The following ATP8A1 variants were observed in gnomAD, a reference collection of about 807,000 sequenced individuals.
ATP8A1 encodes ATPase phospholipid transporting 8A1.
A neutral mutation model predicts 177.7 loss-of-function variants in ATP8A1; 90 were observed. The observed-to-expected ratio is 0.51, with a 90% CI of 0.43 to 0.60. The LOEUF is 0.60. ATP8A1 is among the 20% of genes least tolerant of loss of function. The probability of loss-of-function intolerance (pLI) is 0.00; values close to 1 mark genes in which losing one functional copy is unlikely to be tolerated. For missense variants in ATP8A1, 1,072 were observed against 1,392.8 expected, an observed-to-expected ratio of 0.77 and a Z score of 3.67; for synonymous variants, 493 against 485.9, an observed-to-expected ratio of 1.01 and a Z score of -0.19.
chr4:42,421,622 TG>T (rs1170726699), intron 35 of ATP8A1, among the ~76,000 whole-genome samples: 1 of 151,990 alleles, frequency 6.6e-6, no homozygotes, highest in Non-Finnish European at 1.5e-5. Flanking sequence ...CACACACTGG[TG>T]TGTGATGTGT....
At chr4:42,640,492 T>C (rs1448797534) in intron 1 of ATP8A1, among the ~76,000 whole-genome samples, 5 of 152,226 alleles carry the variant, frequency 3.3e-5, no homozygotes, top group African/African-American at 1.2e-4. Context: ...TGGTGACTGG[T>C]GGGGATCAGT....
intron 30 of ATP8A1, among the ~76,000 whole-genome samples, chr4:42,448,396 C>CTTTACTTTTTTTTATTTTTTTTTTTT (rs778022629): frequency 2.4e-5 from 2 of 84,130 alleles, no homozygotes; most frequent in Non-Finnish European, 4.6e-5. Context: ...CCTTCTCTTT[C>CTTTACTTTTTTTTATTTTTTTTTTTT]TTTTCTTTTT....
chr4:42,455,627 A>G (rs1718400568), intron 27 of ATP8A1, 28 bp from the exon 28 acceptor site: 1 of 1,600,246 alleles, frequency 6.2e-7, no homozygotes, highest in African/African-American at 1.3e-5. Flanking sequence ...AAACCCCCAA[A>G]TTAGAATACA....
At chr4:42,468,306 T>G (rs947161571) in intron 25 of ATP8A1, among the ~76,000 whole-genome samples, 1 of 152,142 alleles carries the variant, frequency 6.6e-6, no homozygotes, top group Non-Finnish European at 1.5e-5. Flanking sequence ...AATTTGCAAT[T>G]GCAAAAATAT....
chr4:42,460,869 A>T (rs35382680), intron 27 of ATP8A1, among the ~76,000 whole-genome samples: 1 of 152,152 alleles, frequency 6.6e-6, no homozygotes, highest in Non-Finnish European at 1.5e-5. Flanking sequence ...TGATCTGCAG[A>T]GCTCCAACAG....
At chr4:42,519,122 C>T (rs959533173) in intron 22 of ATP8A1, among the ~76,000 whole-genome samples, 1 of 152,260 alleles carries the variant, frequency 6.6e-6, no homozygotes, top group South Asian at 2.1e-4. Flanking sequence ...GGGTCTCACT[C>T]TGTCACCCAG....
intron 22 of ATP8A1, among the ~76,000 whole-genome samples, chr4:42,514,324 G>C (rs1235792397): frequency 6.6e-6 from 1 of 152,204 alleles, no homozygotes; most frequent in African/African-American, 2.4e-5. Context: ...TCTTATCTGA[G>C]TGAGAAGACA....
chr4:42,623,202 C>T (rs535587218), intron 4 of ATP8A1, among the ~76,000 whole-genome samples: 37 of 152,162 alleles, frequency 2.4e-4, no homozygotes, highest in Non-Finnish European at 7.4e-5. Flanking sequence ...ATAACAGATG[C>T]TGGCAAGGTT....
chr4:42,520,543 G>A (rs1299349984), intron 22 of ATP8A1, among the ~76,000 whole-genome samples: 1 of 152,104 alleles, frequency 6.6e-6, no homozygotes, highest in African/African-American at 2.4e-5. Flanking sequence ...AGGAAATGGA[G>A]AGCGAGAAGG....
At chr4:42,603,706 TCCA>T (rs1735523665) in intron 5 of ATP8A1, among the ~76,000 whole-genome samples, 1 of 152,198 alleles carries the variant, frequency 6.6e-6, no homozygotes, top group Non-Finnish European at 1.5e-5. Context: ...AAAAATCTTC[TCCA>T]CCATCACCAA....
chr4:42,483,520 G>A (rs971528928), intron 25 of ATP8A1, among the ~76,000 whole-genome samples: 6 of 152,130 alleles, frequency 3.9e-5, no homozygotes, highest in Admixed American at 2.0e-4. Context: ...GAGCTGAGCC[G>A]CACGTGCACG....
At chr4:42,466,200 TAGTA>T (rs1227521326) in intron 25 of ATP8A1, among the ~76,000 whole-genome samples, 1 of 152,048 alleles carries the variant, frequency 6.6e-6, no homozygotes, top group Non-Finnish European at 1.5e-5. Flanking sequence ...AATAATTAGA[TAGTA>T]AGAAACAACT....
At chr4:42,514,307 GCATC>G (rs1213202354) in intron 22 of ATP8A1, among the ~76,000 whole-genome samples, 2 of 152,098 alleles carry the variant, frequency 1.3e-5, no homozygotes, top group East Asian at 3.9e-4. Flanking sequence ...CAAAAACAAC[GCATC>G]CATCTTATCT....
In ATP8A1 at chr4:42,446,655, A is replaced by C. The variant is rs1444709875; in HGVS notation, c.2897-11T>G. ...TTCCAAATGCAGTACCTGTACGAAA[A>C]GGAGAGGCCTATTAGAAAGGAAAAT... On this transcript the variant is annotated splice_polypyrimidine_tract_variant and intron_variant, in intron 30 of 36. Coordinates refer to ENST00000381668, the MANE Select transcript of ATP8A1 (RefSeq NM_006095.2). 3 of 1,610,232 alleles carry C rather than the reference A, an allele frequency of 1.9e-6. No homozygotes were observed. The highest frequency in any genetic ancestry group is 3.3e-5 in the Admixed American group (2 of 59,920).
At chr4:42,588,076 C>A (rs1433395090) in intron 8 of ATP8A1, among the ~76,000 whole-genome samples, 184 bp downstream of exon 8, 4 of 152,128 alleles carry the variant, frequency 2.6e-5, no homozygotes, top group Admixed American at 6.5e-5. Flanking sequence ...TTTAACCAGA[C>A]AAATACATCA....
chr4:42,616,132 A>G (rs1736892449), intron 4 of ATP8A1, 54 bp from the exon 5 acceptor site: 14 of 1,472,962 alleles, frequency 9.5e-6, no homozygotes, highest in African/African-American at 2.8e-5. Context: ...AGATTACTAA[A>G]ACAAGAGAGC....
chr4:42,430,362 C>G (rs756675259), intron 33 of ATP8A1, among the ~76,000 whole-genome samples: 4 of 152,102 alleles, frequency 2.6e-5, no homozygotes, highest in Non-Finnish European at 5.9e-5. Context: ...GAAGTCAGAT[C>G]GTGACTCCTT....
At chr4:42,492,540 C>A (rs769104575) in intron 24 of ATP8A1, among the ~76,000 whole-genome samples, 3 of 152,092 alleles carry the variant, frequency 2.0e-5, no homozygotes, top group African/African-American at 7.2e-5. Flanking sequence ...TTCCATCATG[C>A]ACAGACACAA....
Position 42,555,127 on chromosome 4 carries a change from ATCTATCTATCTAATCT to A in ATP8A1, c.1413+825_1413+840del, listed in dbSNP as rs1486205950. ...TATCTATCTATCTATCTATCTATCT[ATCTATCTATCTAATCT>A]ATCTATCTATCTATCTATCTATCTA... On this transcript the variant is annotated intron_variant, in intron 16 of 36. Transcript: ENST00000381668. Among the ~76,000 whole-genome samples, 872 of 91,764 alleles carry A rather than the reference ATCTATCTATCTAATCT, an allele frequency of 9.5e-3. 2 individuals carry two copies. Among genetic ancestry groups the A allele is most frequent in the Middle Eastern group, 0.016 (3 of 190 alleles). The allele number at this position is 91,764 out of a possible 152,430, so 60.2% of individuals were successfully genotyped here.
Sources: allele counts gnomAD v4.1 joint callset (sites outside exome capture counted in the v4.1 genomes callset), GRCh38; gene constraint gnomAD v4.1.1; transcripts MANE v1.5; gene names NCBI Gene and HGNC (gene_info 2026-07-23, HGNC 2026-07-21).